The following ZNRF1 variants were observed in gnomAD, a reference collection of about 807,000 sequenced individuals.
ZNRF1 encodes the protein zinc and ring finger 1.
Under a neutral mutation model 18.4 loss-of-function variants are expected in ZNRF1, and 3 were observed. The observed-to-expected ratio is 0.16, with a 90% CI of 0.07 to 0.42. The LOEUF (loss-of-function observed/expected upper bound fraction) is 0.42, where lower values mean the gene tolerates loss of function less well. Among genes scored for constraint, ZNRF1 ranks in the 10% least tolerant of loss-of-function variants. The pLI, the probability that ZNRF1 is intolerant of heterozygous loss-of-function variation, is 0.99. For missense variants in ZNRF1, 310 were observed against 329.8 expected (o/e 0.94, Z 0.47); for synonymous variants, 157 against 144.2 (o/e 1.09, Z -0.64).
intron 1 of ZNRF1, among the ~76,000 whole-genome samples, chr16:75,027,470 C>G (rs1036807123): frequency 3.9e-5 from 6 of 152,076 alleles, no homozygotes; most frequent in Non-Finnish European, 7.4e-5. Context: ...AGAGTTGCCC[C>G]CTGTGACTCC....
chr16:75,067,219 G>A (rs957068233), intron 1 of ZNRF1, among the ~76,000 whole-genome samples: 2 of 152,148 alleles, frequency 1.3e-5, no homozygotes, highest in East Asian at 1.9e-4. Flanking sequence ...CTCCCACAGC[G>A]CTTGTCCCAA....
chr16:75,073,150 CTCTG>C (rs1248329088), intron 1 of ZNRF1, among the ~76,000 whole-genome samples: 2 of 150,854 alleles, frequency 1.3e-5, no homozygotes, highest in East Asian at 3.9e-4. Context: ...CTCTCTCTCT[CTCTG>C]TCTCTCTGTC....
rs904171268 is a variant in ZNRF1 at position 75,093,740 on chromosome 16, C to T, written c.520+73C>T. On this transcript the variant is annotated intron_variant, in intron 2 of 4. Transcript: ENST00000335325. Reference sequence around the variant, plus strand: ...AGCCGGCCAGTCCTTGTGGGAGCCTCCAGTCGAGGGTGGTTCTGGGCAGTA... The same window carrying T: ...AGCCGGCCAGTCCTTGTGGGAGCCTTCAGTCGAGGGTGGTTCTGGGCAGTA... 11 of 1,259,102 alleles carry T rather than the reference C, an allele frequency of 8.7e-6. No homozygotes were observed. The East Asian group carries it at 2.3e-4, about 27-fold the overall frequency. The allele number at this position is 1,259,102 out of a possible 1,614,324, so 78.0% of individuals were successfully genotyped here.
At chr16:75,041,272 G>T (rs1567475353) in intron 1 of ZNRF1, among the ~76,000 whole-genome samples, 1 of 152,090 alleles carries the variant, frequency 6.6e-6, no homozygotes, top group East Asian at 1.9e-4. Context: ...TTGACTTACG[G>T]ATTATAGTCA....
intron 1 of ZNRF1, among the ~76,000 whole-genome samples, chr16:75,032,010 A>T (rs13330990): frequency 0.05 from 7,606 of 151,494 alleles, 581 homozygotes; most frequent in African/African-American, 0.17. Flanking sequence ...ACTTATTATT[A>T]CCTGTCTATT....
At chr16:75,100,341 C>T (rs1352385630) in intron 2 of ZNRF1, among the ~76,000 whole-genome samples, 2 of 152,236 alleles carry the variant, frequency 1.3e-5, no homozygotes, top group African/African-American at 4.8e-5. Context: ...CTTTAGTGCA[C>T]AGGCCTTCCG....
At chr16:75,000,219 C>T in intron 1 of ZNRF1, 124 bp downstream of exon 1, 1 of 1,375,656 alleles carries the variant, frequency 7.3e-7, no homozygotes, top group Non-Finnish European at 1.0e-6. Flanking sequence ...CCCTTTGGTT[C>T]CCGATGCCAA....
Position 75,110,286 on chromosome 16 carries a change from ATC to A in ZNRF1, c.*2588_*2589del, listed in dbSNP as rs1289424599. The stretch of plus-strand genomic sequence containing the variant: ...GTGGAGCTCATGTTTGTGATCCTCT[ATC>A]TGGACAGCTCTCCAGAATCCTGTGT... On this transcript the variant is annotated 3_prime_UTR_variant, in exon 5 of 5. Coordinates refer to ENST00000335325, the MANE Select transcript of ZNRF1 (RefSeq NM_032268.5). The A allele has an allele frequency of 6.6e-6, 1 of 152,286 alleles. No homozygotes were observed. Among genetic ancestry groups the A allele is most frequent in the Non-Finnish European group, 1.5e-5 (1 of 68,096 alleles). The allele number at this position is 152,286 out of a possible 1,614,324, so 9.4% of individuals were successfully genotyped here.
At chr16:75,064,830 A>G (rs2035782859) in intron 1 of ZNRF1, among the ~76,000 whole-genome samples, 1 of 152,232 alleles carries the variant, frequency 6.6e-6, no homozygotes, top group Non-Finnish European at 1.5e-5. Flanking sequence ...TCTTGTATCA[A>G]GGAAAGCCAG....
intron 1 of ZNRF1, among the ~76,000 whole-genome samples, chr16:75,002,030 T>C (rs1196332730): frequency 6.6e-6 from 1 of 152,208 alleles, no homozygotes; most frequent in Non-Finnish European, 1.5e-5. Context: ...CCTTACTGTG[T>C]AGGACCATCA....
intron 1 of ZNRF1, among the ~76,000 whole-genome samples, chr16:75,000,829 A>G (rs2034839417): frequency 1.3e-5 from 2 of 151,726 alleles, no homozygotes; most frequent in Non-Finnish European, 2.9e-5. Flanking sequence ...CTTCCCGTGA[A>G]TCTGCATCTT....
intron 2 of ZNRF1, among the ~76,000 whole-genome samples, chr16:75,097,563 C>G (rs926529202): frequency 6.6e-6 from 1 of 152,194 alleles, no homozygotes; most frequent in Admixed American, 6.5e-5. Flanking sequence ...TGCAGTGGCT[C>G]ACGTCTGTAA....
At chr16:75,031,816 G>A (rs1320228109) in intron 1 of ZNRF1, among the ~76,000 whole-genome samples, 1 of 152,118 alleles carries the variant, frequency 6.6e-6, no homozygotes, top group Non-Finnish European at 1.5e-5. Context: ...ATACCTACGA[G>A]TAGAATTGCT....
At chr16:75,097,458 T>A (rs972106039) in intron 2 of ZNRF1, among the ~76,000 whole-genome samples, 1 of 152,014 alleles carries the variant, frequency 6.6e-6, no homozygotes, top group Admixed American at 6.6e-5. Context: ...GATGCCCTCT[T>A]CCTCCCCTCT....
In ZNRF1 at chr16:75,037,353, T is replaced by A. The variant is rs184626751; in HGVS notation, c.424+37258T>A. 2.6e-5 allele frequency among the ~76,000 whole-genome samples: 4 copies of A among 152,162 alleles called. No individual in the cohort carries two copies. The East Asian group carries it at 7.7e-4, about 29-fold the overall frequency. ...CACTCTTTTGTTTTTTTGTTTTGTTTTGTTTTGTTTTTGGAGACACAGTCT... is the reference window on the plus strand; with the variant it reads ...CACTCTTTTGTTTTTTTGTTTTGTTATGTTTTGTTTTTGGAGACACAGTCT... On this transcript the variant is annotated intron_variant, in intron 1 of 4. Coordinates refer to ENST00000335325, the MANE Select transcript of ZNRF1 (RefSeq NM_032268.5).
chr16:75,040,598 GTTTTTTTTTTTTTT>G (rs61513153), intron 1 of ZNRF1, among the ~76,000 whole-genome samples: 4 of 46,358 alleles, frequency 8.6e-5, no homozygotes, highest in Non-Finnish European at 1.1e-4. Context: ...TTTTTTGTGG[GTTTTTTTTTTTTTT>G]TTTTTTTTTT....
rs377116759 is a variant in ZNRF1, at chr16:75,034,182, C to A, written c.424+34087C>A. ...AAAAACAAAAACAAAAAATTACCCT[C>A]AGTTATTTAAAAATGTACAGTTCAG... On this transcript the variant is annotated intron_variant, in intron 1 of 4. Coordinates refer to ENST00000335325, the MANE Select transcript of ZNRF1 (RefSeq NM_032268.5). Among the ~76,000 whole-genome samples, 20 of 152,180 alleles carry A rather than the reference C, an allele frequency of 1.3e-4. 2 individuals carry two copies. Among genetic ancestry groups the A allele is most frequent in the South Asian group, 1.2e-3 (6 of 4,824 alleles).
intron 1 of ZNRF1, among the ~76,000 whole-genome samples, chr16:75,052,828 G>T (rs1338776828): frequency 6.6e-6 from 1 of 152,172 alleles, no homozygotes; most frequent in African/African-American, 2.4e-5. Context: ...TTACTGTTGT[G>T]ATGCATTTCA....
At chr16:75,090,408 G>C (rs1320261551) in intron 1 of ZNRF1, among the ~76,000 whole-genome samples, 1 of 152,084 alleles carries the variant, frequency 6.6e-6, no homozygotes, top group Admixed American at 6.6e-5. Flanking sequence ...GTGGAGAACG[G>C]GGTCTCACTG....
Sources: gnomAD v4.1 joint callset for allele counts (sites outside exome capture counted in the v4.1 genomes callset) on GRCh38, gnomAD v4.1.1 for gene constraint, MANE v1.5 for transcripts, NCBI Gene and HGNC (gene_info 2026-07-23, HGNC 2026-07-21) for gene names.